The following MPC2 variants were observed in gnomAD, a reference collection of about 807,000 sequenced individuals.
MPC2 encodes mitochondrial pyruvate carrier 2, also known as brain protein 44.
MPC2 carries 19 observed loss-of-function variants against 19.2 expected under a neutral mutation model. The observed-to-expected ratio is 0.99, with a 90% confidence interval of 0.69 to 1.45. MPC2 has a LOEUF of 1.45. MPC2 is among the 40% of genes most tolerant of loss of function. The probability of loss-of-function intolerance (pLI) is 0.00; values close to 1 mark genes in which losing one functional copy is unlikely to be tolerated. For missense variants in MPC2, 122 were observed against 153.0 expected, an observed-to-expected ratio of 0.80 and a Z score of 1.07; for synonymous variants, 61 against 54.3, an observed-to-expected ratio of 1.12 and a Z score of -0.54.
At chr1:167,920,667 C>A (rs772612228) in intron 3 of MPC2, 36 bp from the exon 4 acceptor site, 4 of 1,583,668 alleles carry the variant, frequency 2.5e-6, no homozygotes, top group Non-Finnish European at 3.4e-6. Flanking sequence ...AAAAGTATCA[C>A]AAATGTGGAG....
At chr1:167,925,112 T>C (rs1055456955) in intron 2 of MPC2, among the ~76,000 whole-genome samples, 1 of 152,120 alleles carries the variant, frequency 6.6e-6, no homozygotes, top group African/African-American at 2.4e-5. Flanking sequence ...TCTTCCACAA[T>C]TTAACATAGT....
At chr1:167,926,640 G>A (rs549170279) in intron 2 of MPC2, among the ~76,000 whole-genome samples, 1 of 152,118 alleles carries the variant, frequency 6.6e-6, no homozygotes, top group Admixed American at 6.5e-5. Flanking sequence ...TGCTGCCGCT[G>A]CTGCTGCCGT....
intron 2 of MPC2, among the ~76,000 whole-genome samples, chr1:167,933,268 A>G (rs1002555705): frequency 4.6e-5 from 7 of 151,636 alleles, no homozygotes; most frequent in African/African-American, 1.7e-4. Context: ...CCTGGTTTCA[A>G]GTGATTCTCC....
rs558765146 is a variant in MPC2 at position 167,929,429 on chromosome 1, A to G, written c.110-4892T>C. 3.9e-5 allele frequency among the ~76,000 whole-genome samples: 6 copies of G among 152,322 alleles called. No individual in the cohort carries two copies. The East Asian group carries it at 1.2e-3, about 29-fold the overall frequency. ...TGTTCAAGAATGAAAAATACTGACT[A>G]TAAGTTATTTTGTGTTTTATTGCCT... On this transcript the variant is annotated intron_variant, in intron 2 of 5. Transcript: ENST00000271373.
At chr1:167,936,918 C>A in intron 1 of MPC2, 21 bp downstream of exon 1, 1 of 1,603,510 alleles carries the variant, frequency 6.2e-7, no homozygotes. Flanking sequence ...AGCCATGTCT[C>A]GGGGTGGCTC....
rs759194947 is a variant in MPC2 at position 167,924,455 on chromosome 1, G to T, written c.150+42C>A. 5.2e-6 allele frequency: 8 copies of T among 1,531,340 alleles called. No homozygotes were observed. In the South Asian group the frequency reaches 8.4e-5, roughly 16 times the overall value. 94.9% of individuals were successfully genotyped at this position (1,531,340 alleles called of 1,614,324 possible). On this transcript the variant is annotated intron_variant, in intron 3 of 5. Coordinates refer to ENST00000271373, the MANE Select transcript of MPC2 (RefSeq NM_001143674.4). ...TTCAAATTAGTAAATTCCTATTAAG[G>T]AATTTGTCTTTCAGTAGCTTCCGTA...
In MPC2 at chr1:167,936,938, C is replaced by T. The variant is rs1232922425; in HGVS notation, c.-58+1G>A. The T allele has an allele frequency of 6.2e-7, 1 of 1,609,334 alleles. No individual in the cohort carries two copies. The highest frequency in any genetic ancestry group is 8.5e-7 in the Non-Finnish European group (1 of 1,178,682). ...TGTCTCGGGGTGGCTCCTACCCACA[C>T]CTGTTGTGGGACGTGAGGAAAAGGT... is the stretch of plus-strand genomic sequence containing the variant. On this transcript the variant is annotated splice_donor_variant, in intron 1 of 5. Coordinates refer to ENST00000271373, the MANE Select transcript of MPC2 (RefSeq NM_001143674.4). LOFTEE classifies it low-confidence loss of function (5UTR_SPLICE).
chr1:167,922,961 A>G (rs1296322118), intron 3 of MPC2, among the ~76,000 whole-genome samples: 1 of 152,216 alleles, frequency 6.6e-6, no homozygotes, highest in African/African-American at 2.4e-5. Flanking sequence ...GTTCAGCATG[A>G]CTAATCATTA....
At chr1:167,919,894 C>T (rs887433515) in intron 5 of MPC2, 85 bp downstream of exon 5, 17 of 839,424 alleles carry the variant, frequency 2.0e-5, no homozygotes, top group African/African-American at 1.0e-4. Flanking sequence ...GGCAACAGAG[C>T]GAGACCCCGT....
At chr1:167,930,965 T>C (rs1466165036) in intron 2 of MPC2, among the ~76,000 whole-genome samples, 1 of 152,262 alleles carries the variant, frequency 6.6e-6, no homozygotes, top group East Asian at 1.9e-4. Flanking sequence ...ATCTGCTCTG[T>C]TGCCCAGGCT....
intron 2 of MPC2, among the ~76,000 whole-genome samples, chr1:167,926,915 C>T (rs1356973136): frequency 6.6e-6 from 1 of 152,162 alleles, no homozygotes; most frequent in Non-Finnish European, 1.5e-5. Context: ...AACAAAAAAA[C>T]TCCAGGTTAG....
intron 2 of MPC2, among the ~76,000 whole-genome samples, chr1:167,929,992 T>C (rs1351051048): frequency 6.6e-6 from 1 of 152,184 alleles, no homozygotes; most frequent in Non-Finnish European, 1.5e-5. Flanking sequence ...ACAAACTAGA[T>C]ACAAATCCTT....
At chr1:167,936,700 TAAGAAG>T (rs1410104835) in intron 1 of MPC2, 2 of 561,884 alleles carry the variant, frequency 3.6e-6, no homozygotes, top group Admixed American at 6.4e-5. Flanking sequence ...CTGGTTAGTC[TAAGAAG>T]GAGAGTATGA....
chr1:167,922,479 T>A (rs975141135), intron 3 of MPC2, among the ~76,000 whole-genome samples: 1 of 152,070 alleles, frequency 6.6e-6, no homozygotes, highest in Non-Finnish European at 1.5e-5. Context: ...TCAATTCCAC[T>A]ATAAAGATAT....
rs770312945 is a variant in MPC2 at position 167,936,965 on chromosome 1, C to T, written c.-84G>A. 1.6e-4 allele frequency: 263 copies of T among 1,611,110 alleles called. No homozygotes were observed. The highest frequency in any genetic ancestry group is 5.1e-4 in the South Asian group (46 of 90,422). On this transcript the variant is annotated 5_prime_UTR_variant, in exon 1 of 6. Coordinates refer to ENST00000271373, the MANE Select transcript of MPC2 (RefSeq NM_001143674.4). Reference sequence around the variant, plus strand: ...TGTTGTGGGACGTGAGGAAAAGGTCCCTCGGGCTGGAGGACCCGTCCCGGC... The same window carrying T: ...TGTTGTGGGACGTGAGGAAAAGGTCTCTCGGGCTGGAGGACCCGTCCCGGC...
intron 5 of MPC2, 120 bp from the exon 6 acceptor site, chr1:167,918,479 T>C (rs1670523180): frequency 1.7e-6 from 1 of 588,192 alleles, no homozygotes; most frequent in African/African-American, 1.9e-5. Context: ...TATACAGTTG[T>C]AAACAGAATC....
At chr1:167,936,274 G>A (rs764962389) in intron 1 of MPC2, 12 of 208,184 alleles carry the variant, frequency 5.8e-5, no homozygotes, top group Non-Finnish European at 1.1e-4. Flanking sequence ...TTGGAGAAGG[G>A]AAAGTGAAGC....
chr1:167,932,871 C>T (rs977637554), intron 2 of MPC2, among the ~76,000 whole-genome samples: 1 of 150,692 alleles, frequency 6.6e-6, no homozygotes, highest in African/African-American at 2.4e-5. Context: ...AACATAACTT[C>T]AAGATTATTT....
intron 2 of MPC2, among the ~76,000 whole-genome samples, chr1:167,929,085 G>A (rs1237449343): frequency 3.9e-5 from 6 of 152,212 alleles, no homozygotes; most frequent in Middle Eastern, 3.2e-3. Context: ...TAGGCCGGGC[G>A]TGGTGGCTCA....
Sources: allele counts gnomAD v4.1 joint callset (sites outside exome capture counted in the v4.1 genomes callset), GRCh38; gene constraint gnomAD v4.1.1; transcripts MANE v1.5; gene names NCBI Gene and HGNC (gene_info 2026-07-23, HGNC 2026-07-21).